The following BLVRA variants were observed in gnomAD, a reference collection of about 807,000 sequenced individuals.
BLVRA encodes the protein BVR A.
A neutral mutation model predicts 32.8 loss-of-function variants in BLVRA; 22 were observed. The ratio of observed to expected loss-of-function variants is 0.67; its 90% CI spans 0.48 to 0.96. BLVRA has a LOEUF of 0.96. Ranked by LOEUF, BLVRA falls within the 40% of genes least tolerant of loss-of-function variation. BLVRA has a pLI of 0.00. For synonymous variants in BLVRA, 119 were observed against 141.3 expected (o/e 0.84, Z 1.12); for missense variants, 323 against 358.1 (o/e 0.90, Z 0.79).
At chr7:43,766,948 G>C (rs896787883) in intron 1 of BLVRA, among the ~76,000 whole-genome samples, 14 of 152,168 alleles carry the variant, frequency 9.2e-5, no homozygotes, top group Non-Finnish European at 4.4e-5. Context: ...AGTGAGCTGT[G>C]ATCATGCGTG....
intron 2 of BLVRA, among the ~76,000 whole-genome samples, chr7:43,786,102 T>TA (rs1000278585): frequency 6.6e-6 from 1 of 151,656 alleles, no homozygotes; most frequent in Non-Finnish European, 1.5e-5. Flanking sequence ...TTAGACTGAG[T>TA]AAAAAAAAGC....
intron 1 of BLVRA, chr7:43,767,423 T>G: frequency 6.3e-7 from 1 of 1,586,120 alleles, no homozygotes; most frequent in Non-Finnish European, 8.6e-7. Context: ...ATCGGGTTAT[T>G]TATATTTCAC....
chr7:43,770,682 A>G (rs1433080187), intron 1 of BLVRA, among the ~76,000 whole-genome samples: 1 of 151,926 alleles, frequency 6.6e-6, no homozygotes, highest in Non-Finnish European at 1.5e-5. Flanking sequence ...GGCTTCTTGG[A>G]CTATTCTTTG....
chr7:43,788,093 A>C lies in BLVRA; in HGVS notation c.134+68A>C. 9 of 1,612,760 alleles carry C rather than the reference A, an allele frequency of 5.6e-6. No homozygotes were observed. The South Asian group carries it at 9.9e-5, about 18-fold the overall frequency. On this transcript the variant is annotated intron_variant, in intron 3 of 7. Transcript: ENST00000265523. ...CAGTGAGGCGGATTAGCTGCAGGAC[A>C]TGGAGATTTTCCAGACCCAGGGCAG...
chr7:43,802,989 C>T (rs2095800388), intron 6 of BLVRA, among the ~76,000 whole-genome samples: 1 of 152,206 alleles, frequency 6.6e-6, no homozygotes, highest in South Asian at 2.1e-4. Flanking sequence ...CCACCTTGGC[C>T]TCCCAAAGTG....
At chr7:43,758,528 A>T (rs1400942152), upstream of BLVRA, among the ~76,000 whole-genome samples, 8 of 152,080 alleles carry the variant, frequency 5.3e-5, no homozygotes, top group Admixed American at 3.3e-4. Flanking sequence ...AGAGGCCAGG[A>T]TCTCACGCGC....
intron 2 of BLVRA, among the ~76,000 whole-genome samples, chr7:43,778,174 C>T (rs1168078363): frequency 2.0e-5 from 3 of 152,202 alleles, no homozygotes; most frequent in South Asian, 2.1e-4. Context: ...AGCTTTGTTC[C>T]GTTGCTGGTG....
chr7:43,762,091 A>C (rs1348604364), intron 1 of BLVRA, among the ~76,000 whole-genome samples: 1 of 152,130 alleles, frequency 6.6e-6, no homozygotes, highest in East Asian at 1.9e-4. Context: ...CTTTGGGGCA[A>C]TAATAGATAC....
chr7:43,784,598 CTTTTTTT>C (rs5883874), intron 2 of BLVRA, among the ~76,000 whole-genome samples: 2 of 85,268 alleles, frequency 2.3e-5, no homozygotes, highest in African/African-American at 1.1e-4. Flanking sequence ...TCACTCATAT[CTTTTTTT>C]TTTTTTTTTT....
Position 43,787,791 on chromosome 7 carries a change from T to A in BLVRA, c.13-113T>A, listed in dbSNP as rs2095779622. The A allele has an allele frequency of 1.3e-6, 2 of 1,536,648 alleles. No individual in the cohort carries two copies. The highest frequency in any genetic ancestry group is 4.5e-5 in the East Asian group (2 of 44,454). On this transcript the variant is annotated intron_variant, in intron 2 of 7. Coordinates refer to ENST00000265523, the MANE Select transcript of BLVRA (RefSeq NM_000712.4). The surrounding 1 kb of genome is among the most constrained non-coding windows in gnomAD (Gnocchi z 4.5). ...CCTGATGCTGTGGCTTCCTGTGTGT[T>A]TTGGGCTGGCTTCCATCTTGCTCGT...
chr7:43,782,746 G>C (rs566583833), intron 2 of BLVRA, among the ~76,000 whole-genome samples: 1 of 152,320 alleles, frequency 6.6e-6, no homozygotes, highest in South Asian at 2.1e-4. Context: ...AGTGAAATGT[G>C]AAAAGAAAAC....
chr7:43,803,935 T>C, intron 7 of BLVRA, 88 bp downstream of exon 7: 1 of 1,494,100 alleles, frequency 6.7e-7, no homozygotes, highest in Non-Finnish European at 9.2e-7. Context: ...CCCGAGGGGC[T>C]AGACCCTCAC....
intron 1 of BLVRA, among the ~76,000 whole-genome samples, chr7:43,768,011 A>G (rs549697795): frequency 6.6e-6 from 1 of 152,318 alleles, no homozygotes; most frequent in South Asian, 2.1e-4. Context: ...ACTACCCTCC[A>G]CAGAGATGCT....
At chr7:43,761,978 T>C (rs1162206129) in intron 1 of BLVRA, among the ~76,000 whole-genome samples, 1 of 151,972 alleles carries the variant, frequency 6.6e-6, no homozygotes, top group Non-Finnish European at 1.5e-5. Flanking sequence ...AGGGCAAGAG[T>C]TGCTTTTACC....
chr7:43,782,708 G>A (rs78296104), intron 2 of BLVRA, among the ~76,000 whole-genome samples: 5,397 of 152,168 alleles, frequency 0.035, 303 homozygotes, highest in African/African-American at 0.12. Context: ...TGGGAAATAT[G>A]CACATCTTGG....
chr7:43,798,827 G>A lies in BLVRA; in HGVS notation c.353-1638G>A, dbSNP rs17246009. Among the ~76,000 whole-genome samples the A allele has an allele frequency of 2.6e-3, 393 of 152,272 alleles. 3 individuals are homozygous for A. Among genetic ancestry groups the A allele is most frequent in the Middle Eastern group, 0.01 (3 of 294 alleles). On this transcript the variant is annotated intron_variant, in intron 5 of 7. Transcript: ENST00000265523. ...TGTGTGTACTGTGGTTACCATGTGT[G>A]TTTATCACAATCAGGCATTGAGTGA...
At chr7:43,791,124 G>T in intron 3 of BLVRA, 125 bp from the exon 4 acceptor site, 1 of 1,510,072 alleles carries the variant, frequency 6.6e-7, no homozygotes, top group Non-Finnish European at 9.0e-7. Context: ...GGAAGTGGGA[G>T]AGAAGAAACT....
chr7:43,804,360 G>C (rs2095801950), intron 7 of BLVRA, among the ~76,000 whole-genome samples: 2 of 152,168 alleles, frequency 1.3e-5, no homozygotes, highest in South Asian at 2.1e-4. Flanking sequence ...AGAATTGCTT[G>C]AACCTGGGAG....
At chr7:43,779,563 T>C (rs769742469) in intron 2 of BLVRA, among the ~76,000 whole-genome samples, 4 of 152,228 alleles carry the variant, frequency 2.6e-5, no homozygotes, top group African/African-American at 7.2e-5. Flanking sequence ...TATTACGTTA[T>C]CTTGACCAGC....
Sources: allele counts gnomAD v4.1 joint callset (sites outside exome capture counted in the v4.1 genomes callset), GRCh38; gene constraint gnomAD v4.1.1; non-coding constraint Gnocchi (gnomAD v3.1); transcripts MANE v1.5; gene names NCBI Gene and HGNC (gene_info 2026-07-23, HGNC 2026-07-21).